TAOK2: variants seen among roughly 807,000 people sequenced by gnomAD.
The protein encoded by TAOK2 is TAO kinase 2, also known as serine/threonine-protein kinase TAO2.
TAOK2 carries 42 observed loss-of-function variants against 122.5 expected under a neutral mutation model. The observed-to-expected ratio is 0.34, with a 90% CI of 0.27 to 0.44. TAOK2 has a LOEUF of 0.44. Among genes scored for constraint, TAOK2 ranks in the 20% least tolerant of loss-of-function variants. The pLI is 1.00. For missense variants in TAOK2, 1,264 were observed against 1,644.9 expected, an observed-to-expected ratio of 0.77 and a Z score of 4.01; for synonymous variants, 704 against 677.6, an observed-to-expected ratio of 1.04 and a Z score of -0.61.
Position 29,983,116 on chromosome 16 carries a change from C to T in TAOK2, c.1044C>T (p.Leu348=), listed in dbSNP as rs752702244. The T allele has an allele frequency of 9.9e-6, 16 of 1,613,960 alleles. No individual in the cohort carries two copies. Among genetic ancestry groups the T allele is most frequent in the Admixed American group, 3.3e-5 (2 of 59,996 alleles). ...ACCGGGCCGGGACTCTGACCAGCCT[C>T]GAGAGTAGCCACTCAGTGCCCAGCA... ...YMHRAGTLTS[L]ESSHSVPSMS... Residue 348 remains leucine (L), a synonymous_variant, in exon 12 of 16, where the codon CTC becomes CTT. Coordinates refer to ENST00000308893, the MANE Select transcript of TAOK2 (RefSeq NM_016151.4).
downstream of TAOK2, chr16:29,991,701 C>T (rs562221715): frequency 1.9e-5 from 22 of 1,174,716 alleles, no homozygotes; most frequent in Middle Eastern, 3.1e-4. The surrounding 1 kb of genome is among the most constrained non-coding windows in gnomAD (Gnocchi z 5.6). Flanking sequence ...CAGACCTCCT[C>T]ATCTCATGAG....
downstream of TAOK2, chr16:29,988,944 G>T (rs2069899203): frequency 1.0e-6 from 1 of 985,236 alleles, no homozygotes; most frequent in Non-Finnish European, 1.2e-6. Context: ...GGTTGAACTT[G>T]TCAGGCCCTT....
chr16:29,977,891 G>C lies in TAOK2; in HGVS notation c.119G>C (p.Gly40Ala). ...DLREIGHGSF[G>A]AVYFARDVRN... ...CGGGAAATTGGCCATGGCAGCTTTG[G>C]AGCCGTATACTTTGTGAGTTGGGTC... is the stretch of plus-strand genomic sequence containing the variant. Residue 40 changes from glycine to alanine, a missense_variant, in exon 2 of 16, where the codon GGA (glycine) becomes GCA (alanine). Coordinates refer to ENST00000308893, the MANE Select transcript of TAOK2 (RefSeq NM_016151.4). 1 of 1,614,160 alleles carries C rather than the reference G, an allele frequency of 6.2e-7. No individual in the cohort carries two copies.
intron 1 of TAOK2, among the ~76,000 whole-genome samples, chr16:29,975,771 T>C (rs2069436203): frequency 6.6e-6 from 1 of 152,178 alleles, no homozygotes; most frequent in Non-Finnish European, 1.5e-5. Context: ...TGTGGGGACC[T>C]TGGAGGCAGG....
chr16:29,992,090 CTTT>C (rs878891173), downstream of TAOK2: 9 of 137,752 alleles, frequency 6.5e-5, no homozygotes, highest in East Asian at 2.1e-4. Context: ...TGTCCTTTAT[CTTT>C]TTTTTTTTTT....
At chr16:29,984,871 A>C (rs533547612) in intron 13 of TAOK2, among the ~76,000 whole-genome samples, 1 of 152,268 alleles carries the variant, frequency 6.6e-6, no homozygotes, top group South Asian at 2.1e-4. Context: ...TGCTTTGAGA[A>C]GTTAACTTAC....
At position 29,979,913 on chromosome 16, in the gene TAOK2, A is replaced by G. The variant is rs2150887305; in HGVS notation, c.655+405A>G. On this transcript the variant is annotated intron_variant, in intron 8 of 15. Coordinates refer to ENST00000308893, the MANE Select transcript of TAOK2 (RefSeq NM_016151.4). This position sits in a 1 kb window ranked among gnomAD's most constrained non-coding sequence, Gnocchi z 4.1. ...AGTTACAGGAGCGGTTCAAATGTAA[A>G]ACAGGGGACTTGACCTAGTTTAGGG... Among the ~76,000 whole-genome samples the G allele has an allele frequency of 6.6e-6, 1 of 152,312 alleles. No individual in the cohort carries two copies.
rs1342998859 is a variant in TAOK2 at position 29,975,022 on chromosome 16, C to T, written c.-36+374C>T. 2.6e-5 allele frequency among the ~76,000 whole-genome samples: 4 copies of T among 152,138 alleles called. No individual in the cohort carries two copies. The South Asian group carries it at 6.2e-4, about 24-fold the overall frequency. Reference sequence around the variant, plus strand: ...CTATTCTGTGGTTTTGATTCCCATGCCTCTGATTCCCATGGTGGGTCTGCT... The same window carrying T: ...CTATTCTGTGGTTTTGATTCCCATGTCTCTGATTCCCATGGTGGGTCTGCT... On this transcript the variant is annotated intron_variant, in intron 1 of 15. Coordinates refer to ENST00000308893, the MANE Select transcript of TAOK2 (RefSeq NM_016151.4).
intron 1 of TAOK2, among the ~76,000 whole-genome samples, chr16:29,975,186 A>G (rs1380421096): frequency 2.0e-5 from 3 of 151,650 alleles, no homozygotes; most frequent in Non-Finnish European, 1.5e-5. Context: ...TTACCTTCCA[A>G]CCTCTTGCTG....
downstream of TAOK2, chr16:29,988,502 C>T: frequency 1.7e-6 from 2 of 1,187,398 alleles, no homozygotes; most frequent in South Asian, 3.1e-5. Flanking sequence ...TTCACCCCAT[C>T]TCCGTTATCT....
At chr16:29,974,990 C>T (rs2069409810) in intron 1 of TAOK2, among the ~76,000 whole-genome samples, 1 of 152,176 alleles carries the variant, frequency 6.6e-6, no homozygotes, top group Admixed American at 6.5e-5. Flanking sequence ...ATGTCCCGTT[C>T]TCCTGGCTAT....
chr16:29,991,388 A>G (rs1187656619), downstream of TAOK2: 1 of 1,567,144 alleles, frequency 6.4e-7, no homozygotes, highest in South Asian at 1.2e-5. The surrounding 1 kb of genome is among the most constrained non-coding windows in gnomAD (Gnocchi z 5.6). Flanking sequence ...AAAGTGGGAC[A>G]CCCCGTGGCG....
intron 3 of TAOK2, 43 bp from the exon 4 acceptor site, chr16:29,978,209 C>T: frequency 6.2e-7 from 1 of 1,613,930 alleles, no homozygotes; most frequent in African/African-American, 1.3e-5. Context: ...ACTCCTGTCT[C>T]AAGATGCAAG....
chr16:29,985,105 A>G lies in TAOK2; in HGVS notation c.1423-108A>G. The G allele has an allele frequency of 3.7e-6, 5 of 1,361,462 alleles. No individual in the cohort carries two copies. Among genetic ancestry groups the G allele is most frequent in the South Asian group, 2.1e-5 (1 of 48,472 alleles). 84.3% of individuals were successfully genotyped at this position (1,361,462 alleles called of 1,614,324 possible). A position where few individuals can be genotyped will look rare whatever the true frequency, so the allele number is the denominator to read the frequency against. Reference sequence around the variant, plus strand: ...TGTGTGAGGAAGGTGTTAAATGAGAATGAAACCCATGAGTTGAAAACCCAT... The same window carrying G: ...TGTGTGAGGAAGGTGTTAAATGAGAGTGAAACCCATGAGTTGAAAACCCAT... On this transcript the variant is annotated intron_variant, in intron 13 of 15. Coordinates refer to ENST00000308893, the MANE Select transcript of TAOK2 (RefSeq NM_016151.4). This position sits in a 1 kb window ranked among gnomAD's most constrained non-coding sequence, Gnocchi z 6.9.
chr16:29,989,484 T>C (rs532392409), downstream of TAOK2: 168 of 1,545,512 alleles, frequency 1.1e-4, no homozygotes, highest in African/African-American at 1.7e-3. Flanking sequence ...CCTCTCCTCT[T>C]CTCTCTCTTC....
intron 10 of TAOK2, among the ~76,000 whole-genome samples, chr16:29,982,314 A>G (rs980475362): frequency 6.6e-5 from 10 of 152,194 alleles, no homozygotes; most frequent in Non-Finnish European, 1.0e-4. Flanking sequence ...TGAATTATCA[A>G]AAATGGAGGG....
downstream of TAOK2, chr16:29,989,145 G>T: frequency 2.0e-6 from 2 of 985,126 alleles, no homozygotes; most frequent in Non-Finnish European, 2.4e-6. Flanking sequence ...GGTTCTTCTC[G>T]CTTGTTCTCG....
downstream of TAOK2, chr16:29,991,161 T>C (rs978293599): frequency 1.2e-6 from 2 of 1,611,242 alleles, no homozygotes; most frequent in Admixed American, 1.7e-5. This position sits in a 1 kb window ranked among gnomAD's most constrained non-coding sequence, Gnocchi z 5.6. Context: ...GAGGCTGGGC[T>C]TCTCCAGCAT....
chr16:29,989,918 A>G, downstream of TAOK2: 1 of 926,970 alleles, frequency 1.1e-6, no homozygotes, highest in Non-Finnish European at 1.6e-6. Context: ...TACTTGGGAA[A>G]CTCACATACT....
Sources: gnomAD v4.1 joint callset for allele counts (sites outside exome capture counted in the v4.1 genomes callset) on GRCh38, gnomAD v4.1.1 for gene constraint, Gnocchi (gnomAD v3.1) non-coding constraint, MANE v1.5 for transcripts, NCBI Gene and HGNC (gene_info 2026-07-23, HGNC 2026-07-21) for gene names.